USP33: variants seen among roughly 807,000 people sequenced by gnomAD.
USP33 encodes the protein ubiquitin specific peptidase 33.
USP33 carries 46 observed loss-of-function variants against 124.2 expected under a neutral mutation model. The observed-to-expected ratio is 0.37, with a 90% confidence interval of 0.29 to 0.47. The LOEUF (loss-of-function observed/expected upper bound fraction) is 0.47, where lower values mean the gene tolerates loss of function less well. USP33 is among the 20% of genes least tolerant of loss of function. The probability of loss-of-function intolerance (pLI) is 0.99; values close to 1 mark genes in which losing one functional copy is unlikely to be tolerated. For missense variants in USP33, 851 were observed against 1,070.6 expected, an observed-to-expected ratio of 0.79 and a Z score of 2.86; for synonymous variants, 350 against 352.3, an observed-to-expected ratio of 0.99 and a Z score of 0.07.
At chr1:77,749,387 GT>G (rs61184612) in intron 1 of USP33, among the ~76,000 whole-genome samples, 9,973 of 143,882 alleles carry the variant, frequency 0.069, 574 homozygotes, top group African/African-American at 0.17. Context: ...TGTTTTGTTT[GT>G]TTTTTTTTTT....
At chr1:77,714,121 G>A (rs1319202400) in intron 19 of USP33, among the ~76,000 whole-genome samples, 1 of 152,128 alleles carries the variant, frequency 6.6e-6, no homozygotes, top group Non-Finnish European at 1.5e-5. Context: ...ATTTAATTAT[G>A]AGGCTTTTTT....
rs1677601766 is a variant in USP33 at position 77,729,887 on chromosome 1, A to C, written c.690T>G (p.Asn230Lys). ...TTLFQGIKTV[N>K]PTFRGYSQQD... Reference sequence around the variant, plus strand: ...GCTGAGAATACCCCCGAAATGTTGGATTTACAGTTTTAATTCCTTGAAACA... The same window carrying C: ...GCTGAGAATACCCCCGAAATGTTGGCTTTACAGTTTTAATTCCTTGAAACA... Residue 230 changes from asparagine to lysine, a missense_variant, in exon 9 of 24, where the codon AAT becomes AAG. Physicochemically the swap from Asn to Lys is moderately conservative, Grantham distance 94 (BLOSUM62 0). Around this residue, in one of 4 missense-constraint regions of USP33, gnomAD observed 221 missense variants for 302.9 expected, o/e 0.73. Transcript: ENST00000370794. 1 of 1,613,786 alleles carries C rather than the reference A, an allele frequency of 6.2e-7. No homozygotes were observed. Among genetic ancestry groups the C allele is most frequent in the Non-Finnish European group, 8.5e-7 (1 of 1,179,912 alleles).
intron 1 of USP33, among the ~76,000 whole-genome samples, chr1:77,756,718 T>C (rs1468937467): frequency 6.6e-6 from 1 of 152,202 alleles, no homozygotes; most frequent in East Asian, 1.9e-4. Context: ...ACTATTAACC[T>C]TTTTTCCTCC....
chr1:77,749,019 A>C (rs2101594210), intron 1 of USP33, among the ~76,000 whole-genome samples: 2 of 152,326 alleles, frequency 1.3e-5, no homozygotes, highest in Middle Eastern at 6.8e-3. Flanking sequence ...GGATTGGGCA[A>C]TTAACATTTT....
chr1:77,704,926 A>T (rs1033519432), intron 21 of USP33, among the ~76,000 whole-genome samples: 1 of 152,256 alleles, frequency 6.6e-6, no homozygotes, highest in East Asian at 1.9e-4. Context: ...CAGAATGCTA[A>T]GGTCATCATC....
At chr1:77,725,178 A>T (rs985176329) in intron 11 of USP33, among the ~76,000 whole-genome samples, 3 of 152,228 alleles carry the variant, frequency 2.0e-5, no homozygotes, top group Non-Finnish European at 4.4e-5. Context: ...GAAAAGATTT[A>T]AAAAAATCAA....
At chr1:77,716,015 C>T in intron 17 of USP33, 147 bp from the exon 18 acceptor site, 1 of 805,824 alleles carries the variant, frequency 1.2e-6, no homozygotes, top group Non-Finnish European at 1.8e-6. Context: ...TGCACGCTTG[C>T]CACCATTCCT....
chr1:77,729,321 C>T (rs899879461), intron 9 of USP33, among the ~76,000 whole-genome samples: 1 of 146,062 alleles, frequency 6.8e-6, no homozygotes, highest in Non-Finnish European at 1.5e-5. Context: ...TCGTTTGAGT[C>T]AGGAGTTCAA....
chr1:77,722,238 C>A, intron 12 of USP33, 42 bp from the exon 13 acceptor site: 1 of 1,500,332 alleles, frequency 6.7e-7, no homozygotes, highest in Non-Finnish European at 9.0e-7. Context: ...GAACATAATG[C>A]AGTAAAACAT....
Position 77,697,066 on chromosome 1 carries a change from A to G in USP33, c.*251T>C. 1.1e-5 allele frequency: 3 copies of G among 270,428 alleles called. No homozygotes were observed. The highest frequency in any genetic ancestry group is 8.5e-5 in the South Asian group (1 of 11,822). The allele number at this position is 270,428 out of a possible 1,614,324, so 16.8% of individuals were successfully genotyped here. A position where few individuals can be genotyped will look rare whatever the true frequency, so the allele number is the denominator to read the frequency against. On this transcript the variant is annotated 3_prime_UTR_variant, in exon 24 of 24. Transcript: ENST00000370794. Reference sequence around the variant, plus strand: ...CACAGCACTCCAGCCTGGGTGACAAAGCAAGACTCTGTCTCAAAAAAAAAT... The same window carrying G: ...CACAGCACTCCAGCCTGGGTGACAAGGCAAGACTCTGTCTCAAAAAAAAAT...
In USP33 at chr1:77,748,780, C is replaced by A. The variant is rs1179344702; in HGVS notation, c.-51-7032G>T. Among the ~76,000 whole-genome samples the A allele has an allele frequency of 1.2e-3, 27 of 21,674 alleles. 1 individual carries two copies. The highest frequency in any genetic ancestry group is 1.8e-3 in the Non-Finnish European group (24 of 13,328). The allele number at this position is 21,674 out of a possible 152,430, so 14.2% of individuals were successfully genotyped here. A position where few individuals can be genotyped will look rare whatever the true frequency, so the allele number is the denominator to read the frequency against. On this transcript the variant is annotated intron_variant, in intron 1 of 23. Transcript: ENST00000370794. ...TCTTTTTTGGCAGCATTCCTTCCCT[C>A]CCCCCCCCCCCCGTGCTTGAATCAG...
rs752140843 is a variant in USP33 at position 77,697,443 on chromosome 1, T to A, written c.2610A>T (p.Thr870=). 1 of 1,605,692 alleles carries A rather than the reference T, an allele frequency of 6.2e-7. No individual in the cohort carries two copies. The highest frequency in any genetic ancestry group is 1.7e-5 in the Admixed American group (1 of 57,298). ...CATAAATAGACTGCAGAAAATTCCATGTTTCTTCAGAAATCTGGCCAGAAT... is the reference window on the plus strand; with the variant it reads ...CATAAATAGACTGCAGAAAATTCCAAGTTTCTTCAGAAATCTGGCCAGAAT... ...GADSGQISEE[T]WNFLQSIYGG... The change falls in exon 24 of 24, where the codon ACA becomes ACT. Residue 870 remains threonine, a synonymous_variant. Transcript: ENST00000370794.
At chr1:77,723,466 A>G in intron 11 of USP33, 23 bp from the exon 12 acceptor site, 1 of 1,518,020 alleles carries the variant, frequency 6.6e-7, no homozygotes, top group Middle Eastern at 1.7e-4. Flanking sequence ...AACATTAAAA[A>G]AAAATCAAAG....
intron 7 of USP33, among the ~76,000 whole-genome samples, chr1:77,733,371 C>T (rs1312966710): frequency 6.8e-6 from 1 of 147,914 alleles, no homozygotes; most frequent in Non-Finnish European, 1.5e-5. Context: ...CTAACCTGGG[C>T]AACAGAGTGA....
chr1:77,725,867 T>C, intron 10 of USP33, 105 bp from the exon 11 acceptor site: 1 of 1,101,612 alleles, frequency 9.1e-7, no homozygotes, highest in Admixed American at 3.0e-5. Context: ...ACAATCATAT[T>C]AACAAATGTC....
intron 3 of USP33, 85 bp downstream of exon 3, chr1:77,741,291 G>T (rs1173633545): frequency 7.6e-7 from 1 of 1,315,174 alleles, no homozygotes; most frequent in Non-Finnish European, 1.0e-6. Flanking sequence ...ATCACTTTAA[G>T]TATCAAAAAT....
intron 1 of USP33, chr1:77,759,433 G>T: frequency 2.5e-6 from 1 of 395,438 alleles, no homozygotes; most frequent in Non-Finnish European, 4.5e-6. Context: ...ACCGTTGACA[G>T]GGCGACCACT....
At position 77,728,938 on chromosome 1, in the gene USP33, T is replaced by C. The variant is rs1393774268; in HGVS notation, c.718-226A>G. Among the ~76,000 whole-genome samples, 3 of 152,142 alleles carry C rather than the reference T, an allele frequency of 2.0e-5. No homozygotes were observed. The East Asian group carries it at 5.8e-4, about 29-fold the overall frequency. On this transcript the variant is annotated intron_variant, in intron 9 of 23. Transcript: ENST00000370794. ...TTTTTGAGATGGGGTCTCATTCTGT[T>C]GTCCAAGCTGGAGTGTTGTGGCATG...
At chr1:77,756,785 T>C (rs528839635) in intron 1 of USP33, among the ~76,000 whole-genome samples, 10 of 152,206 alleles carry the variant, frequency 6.6e-5, no homozygotes, top group African/African-American at 1.2e-4. Flanking sequence ...CCTGCACCCA[T>C]GTCATCTCAG....
Sources: gnomAD v4.1 joint callset for allele counts (sites outside exome capture counted in the v4.1 genomes callset) on GRCh38, gnomAD v4.1.1 for gene constraint, gnomAD v4.1.1 regional missense constraint, MANE v1.5 for transcripts, NCBI Gene and HGNC (gene_info 2026-07-23, HGNC 2026-07-21) for gene names.